CSMD1: variants seen among roughly 807,000 people sequenced by gnomAD.
The protein encoded by CSMD1 is CUB and sushi domain-containing protein 1.
In CSMD1, 213 loss-of-function variants were observed where a neutral mutation model predicts 417.5. The observed-to-expected ratio is 0.51, with a 90% CI of 0.46 to 0.57. The LOEUF is 0.57. CSMD1 is among the 20% of genes least tolerant of loss of function. The pLI is 0.00. For missense variants in CSMD1, 6,923 were observed against 4,529.7 expected, an observed-to-expected ratio of 1.53 and a Z score of -15.17; for synonymous variants, 2,862 against 1,736.8, an observed-to-expected ratio of 1.65 and a Z score of -16.11.
At chr8:4,861,438 G>T (rs975836165) in intron 1 of CSMD1, among the ~76,000 whole-genome samples, 5 of 152,086 alleles carry the variant, frequency 3.3e-5, no homozygotes, top group Non-Finnish European at 5.9e-5. Context: ...AGCGACCAGA[G>T]TTCTTGGAAG....
chr8:4,653,360 T>G (rs1302640650), intron 1 of CSMD1, among the ~76,000 whole-genome samples: 1 of 152,142 alleles, frequency 6.6e-6, no homozygotes, highest in Non-Finnish European at 1.5e-5. Flanking sequence ...TGGCTATCTT[T>G]CCGTGCTGCA....
In CSMD1 at chr8:4,145,696, G is replaced by A. The variant is rs761203892; in HGVS notation, c.416-113597C>T. ...ACAACACCACACCTGGCCACATTCC[G>A]CATTTCTTAATGAAGAACATATATT... On this transcript the variant is annotated intron_variant, in intron 3 of 69. Coordinates refer to ENST00000635120, the MANE Select transcript of CSMD1 (RefSeq NM_033225.6). Among the ~76,000 whole-genome samples the A allele has an allele frequency of 5.3e-5, 8 of 150,860 alleles. 1 individual carries two copies. The highest frequency in any genetic ancestry group is 1.9e-4 in the East Asian group (1 of 5,180).
rs534621235 is a variant in CSMD1 at position 4,326,960 on chromosome 8, G to A, written c.415+92993C>T. On this transcript the variant is annotated intron_variant, in intron 3 of 69. Coordinates refer to ENST00000635120, the MANE Select transcript of CSMD1 (RefSeq NM_033225.6). ...GAATGTCTACTTTGGAAGTGCAGGT[G>A]AAAAAATAGGTTAATGAAGGAACCT... 5.3e-5 allele frequency among the ~76,000 whole-genome samples: 8 copies of A among 152,242 alleles called. No individual in the cohort carries two copies. In the South Asian group the frequency reaches 8.3e-4, roughly 16 times the overall value.
At chr8:4,114,289 C>T (rs1466022561) in intron 3 of CSMD1, among the ~76,000 whole-genome samples, 1 of 152,138 alleles carries the variant, frequency 6.6e-6, no homozygotes, top group African/African-American at 2.4e-5. Context: ...TCTGCCTGTG[C>T]TGTCTAAGTG....
chr8:4,770,951 A>G (rs1344167802), intron 1 of CSMD1, among the ~76,000 whole-genome samples: 1 of 152,192 alleles, frequency 6.6e-6, no homozygotes, highest in African/African-American at 2.4e-5. Flanking sequence ...AACAATAAAT[A>G]AATGAGACTA....
chr8:4,473,343 G>A (rs1800635063), intron 2 of CSMD1, among the ~76,000 whole-genome samples: 1 of 152,186 alleles, frequency 6.6e-6, no homozygotes, highest in Non-Finnish European at 1.5e-5. Flanking sequence ...GAGACAACCT[G>A]ATGCCATTGG....
chr8:3,308,433 G>A lies in CSMD1; in HGVS notation c.3702C>T (p.His1234=), dbSNP rs1205573302. 1.9e-6 allele frequency: 3 copies of A among 1,613,728 alleles called. No homozygotes were observed. Among genetic ancestry groups the A allele is most frequent in the East Asian group, 2.2e-5 (1 of 44,846 alleles). Residue 1234 remains histidine, a synonymous_variant, in exon 24 of 70, where the codon CAC becomes CAT. Coordinates refer to ENST00000635120, the MANE Select transcript of CSMD1 (RefSeq NM_033225.6). ...NYGYRIRDEG[H]FTDTVVLYSC... Reference sequence around the variant, plus strand: ...TGTACAGAACTACAGTGTCGGTAAAGTGGCCTTCATCACGGATCCTATAGC... The same window carrying A: ...TGTACAGAACTACAGTGTCGGTAAAATGGCCTTCATCACGGATCCTATAGC...
At position 3,616,906 on chromosome 8, in the gene CSMD1, T is replaced by A. The variant is rs192048596; in HGVS notation, c.1010-109A>T. On this transcript the variant is annotated intron_variant, in intron 7 of 69. Transcript: ENST00000635120. ...GTTCTTTAATGATAATGACTTAAAA[T>A]GTGATCTCCAAAGGAATTAAGACAC... 1.3e-5 allele frequency: 9 copies of A among 669,394 alleles called. No individual in the cohort carries two copies. In the African/African-American group the frequency reaches 1.4e-4, roughly 11 times the overall value. 41.5% of individuals were successfully genotyped at this position (669,394 alleles called of 1,614,324 possible).
chr8:3,950,339 C>T (rs11136684), intron 5 of CSMD1, among the ~76,000 whole-genome samples: 30,095 of 152,190 alleles, frequency 0.2, 3,299 homozygotes, highest in East Asian at 0.36. Context: ...CCATCTGACT[C>T]TAGCTGGTCT....
chr8:4,891,880 C>G (rs1317238632), intron 1 of CSMD1, among the ~76,000 whole-genome samples: 1 of 152,092 alleles, frequency 6.6e-6, no homozygotes, highest in Non-Finnish European at 1.5e-5. Flanking sequence ...AGTTGACATT[C>G]ACTGTATTAG....
chr8:4,094,622 G>C (rs1800903268), intron 3 of CSMD1, among the ~76,000 whole-genome samples: 1 of 151,690 alleles, frequency 6.6e-6, no homozygotes, highest in African/African-American at 2.4e-5. Context: ...AGAGGCGTGT[G>C]TCACACATGT....
At chr8:3,029,265 T>C (rs1810166911) in intron 51 of CSMD1, 54 bp downstream of exon 51, 3 of 1,458,040 alleles carry the variant, frequency 2.1e-6, no homozygotes, top group East Asian at 2.3e-5. Context: ...ACATAAGCCA[T>C]CTAGAATAAT....
chr8:4,788,033 G>C (rs1329150850), intron 1 of CSMD1: 65 of 1,589,462 alleles, frequency 4.1e-5, no homozygotes, highest in Non-Finnish European at 5.3e-5. Context: ...CTCCTGAAGG[G>C]CTCCAAATGG....
chr8:3,741,235 A>C (rs74527791), intron 6 of CSMD1, among the ~76,000 whole-genome samples: 93 of 150,860 alleles, frequency 6.2e-4, no homozygotes, highest in African/African-American at 1.9e-3. Flanking sequence ...AAAAAAAAAA[A>C]AAAAAACATA....
At chr8:4,223,589 C>T (rs1234503210) in intron 3 of CSMD1, among the ~76,000 whole-genome samples, 1 of 152,234 alleles carries the variant, frequency 6.6e-6, no homozygotes, top group Non-Finnish European at 1.5e-5. Flanking sequence ...GAATGTTCAT[C>T]AAAGCAGGTT....
chr8:3,516,509 C>A (rs949326045), intron 10 of CSMD1, among the ~76,000 whole-genome samples: 3 of 152,200 alleles, frequency 2.0e-5, no homozygotes, highest in Admixed American at 2.0e-4. Context: ...TATGCTACTC[C>A]TCTCATTACA....
At chr8:3,843,141 A>G (rs1042325628) in intron 5 of CSMD1, among the ~76,000 whole-genome samples, 7 of 152,158 alleles carry the variant, frequency 4.6e-5, no homozygotes, top group Non-Finnish European at 7.3e-5. Context: ...TAGCACATCT[A>G]ATGGAATCAA....
chr8:2,984,443 G>A (rs1014306610), intron 54 of CSMD1, among the ~76,000 whole-genome samples: 11 of 152,072 alleles, frequency 7.2e-5, no homozygotes, highest in African/African-American at 2.7e-4. Context: ...CCGCCTCCCT[G>A]GTTCAAGAGA....
chr8:4,620,910 T>C (rs924619228), intron 2 of CSMD1, among the ~76,000 whole-genome samples: 2 of 151,048 alleles, frequency 1.3e-5, no homozygotes, highest in African/African-American at 2.4e-5. Flanking sequence ...TAAAAAAAAA[T>C]AGGCAACTGG....
Sources: allele counts gnomAD v4.1 joint callset (sites outside exome capture counted in the v4.1 genomes callset), GRCh38; gene constraint gnomAD v4.1.1; transcripts MANE v1.5; gene names NCBI Gene and HGNC (gene_info 2026-07-23, HGNC 2026-07-21).